Variants in ZNF512 observed in about 807,000 individuals in gnomAD.
ZNF512 encodes the protein zinc finger protein 512.
A neutral mutation model predicts 77.5 loss-of-function variants in ZNF512; 25 were observed. The ratio of observed to expected loss-of-function variants is 0.32; its 90% CI spans 0.23 to 0.45. ZNF512 has a LOEUF of 0.45. Ranked by LOEUF, ZNF512 falls within the 20% of genes least tolerant of loss-of-function variation. ZNF512 has a pLI of 1.00. For synonymous variants in ZNF512, 246 were observed against 239.9 expected (o/e 1.03, Z -0.24); for missense variants, 483 against 692.6 (o/e 0.70, Z 3.40).
At chr2:27,610,155 G>C (rs1296024997) in intron 10 of ZNF512, among the ~76,000 whole-genome samples, 2 of 151,808 alleles carry the variant, frequency 1.3e-5, no homozygotes, top group Non-Finnish European at 2.9e-5. Flanking sequence ...ACGAGGTCAG[G>C]AGATTGAGAC....
intron 2 of ZNF512, among the ~76,000 whole-genome samples, chr2:27,596,404 G>C (rs959305711): frequency 2.6e-5 from 4 of 151,938 alleles, no homozygotes; most frequent in Admixed American, 6.6e-5. Context: ...TTTTTTGCCT[G>C]TTTTCTCTCT....
At chr2:27,612,281 A>C (rs1429993873) in intron 10 of ZNF512, among the ~76,000 whole-genome samples, 1 of 152,118 alleles carries the variant, frequency 6.6e-6, no homozygotes, top group Non-Finnish European at 1.5e-5. Flanking sequence ...TTATGACATG[A>C]TAAGACAGGC....
In ZNF512 at chr2:27,610,472, ATATGTG is replaced by A. The variant is rs1346921096; in HGVS notation, c.1131+2437_1131+2442del. 9.2e-4 allele frequency among the ~76,000 whole-genome samples: 125 copies of A among 136,106 alleles called. 2 individuals are homozygous for A. In the East Asian group the frequency reaches 0.019, roughly 21 times the overall value. 89.3% of individuals were successfully genotyped at this position (136,106 alleles called of 152,430 possible). A position where few individuals can be genotyped will look rare whatever the true frequency, so the allele number is the denominator to read the frequency against. On this transcript the variant is annotated intron_variant, in intron 10 of 13. Transcript: ENST00000355467. ...ATCATCAAATAGGTTATATATGTGT[ATATGTG>A]TATATATATATATGTGTATATGTGT...
chr2:27,583,076 GC>G lies in ZNF512; in HGVS notation c.-34del, dbSNP rs750979741. On this transcript the variant is annotated 5_prime_UTR_variant, in exon 1 of 14. Transcript: ENST00000355467. ...CGGAAGTGGCGTTGGTCTGGCCGGA[GC>G]CCTTGGGTGAAATTGTTAGGCGTGG... 6.2e-7 allele frequency: 1 copy of G among 1,614,028 alleles called. No individual in the cohort carries two copies. The highest frequency in any genetic ancestry group is 8.5e-7 in the Non-Finnish European group (1 of 1,179,900).
chr2:27,586,354 C>T (rs575909344), intron 2 of ZNF512, among the ~76,000 whole-genome samples: 3 of 152,034 alleles, frequency 2.0e-5, no homozygotes, highest in Non-Finnish European at 4.4e-5. Flanking sequence ...CTCAGCCTCC[C>T]GAGTAGCTGG....
At chr2:27,607,025 C>G (rs1392663889) in intron 9 of ZNF512, among the ~76,000 whole-genome samples, 1 of 152,070 alleles carries the variant, frequency 6.6e-6, no homozygotes, top group Non-Finnish European at 1.5e-5. Flanking sequence ...GGATGTCTCT[C>G]ATGCTTTGAA....
At chr2:27,593,550 G>A (rs1371211801) in intron 2 of ZNF512, among the ~76,000 whole-genome samples, 1 of 152,128 alleles carries the variant, frequency 6.6e-6, no homozygotes, top group African/African-American at 2.4e-5. Flanking sequence ...GAGCCAGAGA[G>A]GTCCAAGCTG....
chr2:27,603,573 A>AGTGTGTGTGT (rs11273312), intron 9 of ZNF512, among the ~76,000 whole-genome samples: 5,174 of 133,086 alleles, frequency 0.039, 130 homozygotes, highest in South Asian at 0.06. Context: ...ATTTTTATAT[A>AGTGTGTGTGT]GTGTGTGTGT....
intron 13 of ZNF512, 50 bp from the exon 14 acceptor site, chr2:27,621,103 G>A: frequency 6.4e-7 from 1 of 1,574,084 alleles, no homozygotes; most frequent in Non-Finnish European, 8.6e-7. Context: ...CTTTCTTTAT[G>A]TTCTTCACTA....
At chr2:27,587,927 A>G (rs1019004026) in intron 2 of ZNF512, among the ~76,000 whole-genome samples, 3 of 149,210 alleles carry the variant, frequency 2.0e-5, no homozygotes, top group Admixed American at 6.7e-5. Flanking sequence ...TGATCTGCCC[A>G]CCTTTGCCTC....
intron 3 of ZNF512, among the ~76,000 whole-genome samples, chr2:27,599,080 A>G (rs887392282): frequency 6.6e-6 from 1 of 152,222 alleles, no homozygotes; most frequent in Admixed American, 6.5e-5. Flanking sequence ...ACCTCAGGTA[A>G]TCCGCCCACT....
intron 12 of ZNF512, among the ~76,000 whole-genome samples, chr2:27,616,747 G>T (rs1362638224): frequency 6.6e-6 from 1 of 152,154 alleles, no homozygotes. Flanking sequence ...CTGGCCTCTC[G>T]GGATGGGAGG....
chr2:27,594,385 C>G (rs1225679634), intron 2 of ZNF512, among the ~76,000 whole-genome samples: 1 of 128,704 alleles, frequency 7.8e-6, no homozygotes, highest in Admixed American at 8.1e-5. Flanking sequence ...GGGGTGGCGG[C>G]CGGGCAGAGA....
chr2:27,604,883 G>C lies in ZNF512; in HGVS notation c.936+1576G>C, dbSNP rs532806247. ...CCAGCTACAGCCTCTGGCAACCACT[G>C]ATTTATTTTCTGACCCTATAGTTTT... On this transcript the variant is annotated intron_variant, in intron 9 of 13. Transcript: ENST00000355467. Among the ~76,000 whole-genome samples, 18 of 152,270 alleles carry C rather than the reference G, an allele frequency of 1.2e-4. 1 individual carries two copies. In the South Asian group the frequency reaches 3.7e-3, roughly 32 times the overall value.
chr2:27,595,897 ATGTTTTGGTCATT>A (rs1671847417), intron 2 of ZNF512, among the ~76,000 whole-genome samples: 2 of 152,084 alleles, frequency 1.3e-5, no homozygotes, highest in South Asian at 4.1e-4. Flanking sequence ...TGTGGCTGGC[ATGTTTTGGTCATT>A]TGTTCCTTTG....
At chr2:27,610,437 C>A (rs1672565650) in intron 10 of ZNF512, among the ~76,000 whole-genome samples, 1 of 145,748 alleles carries the variant, frequency 6.9e-6, no homozygotes, top group Non-Finnish European at 1.5e-5. Flanking sequence ...CTAGCAGAGG[C>A]TTTCCTAAAA....
At chr2:27,599,888 G>A in intron 4 of ZNF512, 82 bp from the exon 5 acceptor site, 1 of 1,463,094 alleles carries the variant, frequency 6.8e-7, no homozygotes, top group South Asian at 1.2e-5. Flanking sequence ...TGGGAAATAG[G>A]GTGTTGAAGA....
intron 2 of ZNF512, among the ~76,000 whole-genome samples, chr2:27,590,954 A>G (rs1671546617): frequency 6.6e-6 from 1 of 152,068 alleles, no homozygotes; most frequent in African/African-American, 2.4e-5. Flanking sequence ...TCTTAGTTTT[A>G]TTTCTTAGGA....
chr2:27,610,582 T>TATATACACA (rs1558474959), intron 10 of ZNF512, among the ~76,000 whole-genome samples: 27 of 52,856 alleles, frequency 5.1e-4, no homozygotes, highest in Non-Finnish European at 8.5e-4. Context: ...TTTTTTTTTT[T>TATATACACA]TTTTTTTTTT....
Sources: allele counts gnomAD v4.1 joint callset (sites outside exome capture counted in the v4.1 genomes callset), GRCh38; gene constraint gnomAD v4.1.1; transcripts MANE v1.5; gene names NCBI Gene and HGNC (gene_info 2026-07-23, HGNC 2026-07-21).